Variants in DRC11 observed in about 807,000 individuals in gnomAD.
The protein encoded by DRC11 is dynein regulatory complex subunit 11.
At chr2:236,491,187 A>AATATAT in the DRC11 span, among the ~76,000 whole-genome samples, 1 of 44,330 alleles carries the variant, frequency 2.3e-5, no homozygotes, top group Non-Finnish European at 4.5e-5. Flanking sequence ...ATATACACAC[A>AATATAT]GTATATATAT....
At chr2:236,401,410 C>T in the DRC11 span, among the ~76,000 whole-genome samples, 2 of 152,166 alleles carry the variant, frequency 1.3e-5, no homozygotes, top group East Asian at 1.9e-4. The surrounding 1 kb of genome is among the most constrained non-coding windows in gnomAD (Gnocchi z 4.6). Flanking sequence ...AAGAACAGCC[C>T]GCTTTTCCCA....
the DRC11 span, among the ~76,000 whole-genome samples, chr2:236,352,024 C>T: frequency 2.0e-5 from 3 of 152,028 alleles, no homozygotes; most frequent in African/African-American, 7.2e-5. This position sits in a 1 kb window ranked among gnomAD's most constrained non-coding sequence, Gnocchi z 7.0. Context: ...AAGGAATTCT[C>T]GAGTAAAGGG....
the DRC11 span, among the ~76,000 whole-genome samples, chr2:236,504,299 TAA>T: frequency 2.0e-5 from 3 of 152,208 alleles, no homozygotes; most frequent in African/African-American, 7.2e-5. The surrounding 1 kb of genome is among the most constrained non-coding windows in gnomAD (Gnocchi z 5.0). Context: ...TTTCTATTGC[TAA>T]GTTTCCTTTG....
the DRC11 span, among the ~76,000 whole-genome samples, chr2:236,498,160 G>A: frequency 6.6e-6 from 1 of 151,992 alleles, no homozygotes; most frequent in African/African-American, 2.4e-5. Context: ...GAGAAATGAG[G>A]TGCAGGCTGG....
the DRC11 span, chr2:236,493,898 G>A: frequency 2.8e-4 from 449 of 1,581,704 alleles, 3 homozygotes; most frequent in East Asian, 9.1e-3. Flanking sequence ...CTAGAGAAGA[G>A]AAAGAATAAA....
chr2:236,378,959 C>G, the DRC11 span, among the ~76,000 whole-genome samples: 15 of 152,246 alleles, frequency 9.9e-5, no homozygotes, highest in African/African-American at 3.4e-4. Context: ...AGCCCCTCCC[C>G]CTATGGATGT....
At chr2:236,448,645 A>G in the DRC11 span, among the ~76,000 whole-genome samples, 1 of 151,300 alleles carries the variant, frequency 6.6e-6, no homozygotes, top group Admixed American at 6.6e-5. The surrounding 1 kb of genome is among the most constrained non-coding windows in gnomAD (Gnocchi z 5.3). Context: ...TGTATTTATT[A>G]TTATTATTTT....
chr2:236,399,874 C>T, the DRC11 span, among the ~76,000 whole-genome samples: 1 of 152,154 alleles, frequency 6.6e-6, no homozygotes, highest in African/African-American at 2.4e-5. This position sits in a 1 kb window ranked among gnomAD's most constrained non-coding sequence, Gnocchi z 7.0. Flanking sequence ...CACCACCACA[C>T]CTGGCTAATT....
the DRC11 span, among the ~76,000 whole-genome samples, chr2:236,440,082 T>C: frequency 6.6e-6 from 1 of 152,292 alleles, no homozygotes; most frequent in African/African-American, 2.4e-5. Context: ...AAATTAAAAG[T>C]CCTTCCTCTT....
chr2:236,397,679 G>T, the DRC11 span, among the ~76,000 whole-genome samples: 1 of 152,334 alleles, frequency 6.6e-6, no homozygotes, highest in Non-Finnish European at 1.5e-5. The surrounding 1 kb of genome is among the most constrained non-coding windows in gnomAD (Gnocchi z 5.0). Flanking sequence ...GCAAAGCAGA[G>T]TCTTAGATGG....
chr2:236,395,119 G>T, the DRC11 span, among the ~76,000 whole-genome samples: 1 of 152,206 alleles, frequency 6.6e-6, no homozygotes, highest in Admixed American at 6.5e-5. Context: ...CAGGGATTGG[G>T]GGCACAGCGC....
At chr2:236,368,245 A>T in the DRC11 span, 1 of 1,611,188 alleles carries the variant, frequency 6.2e-7, no homozygotes, top group Non-Finnish European at 8.5e-7. Context: ...TCCAGGAGGG[A>T]GGGCATGGGT....
chr2:236,317,457 C>A, the DRC11 span, among the ~76,000 whole-genome samples: 1 of 152,122 alleles, frequency 6.6e-6, no homozygotes, highest in Non-Finnish European at 1.5e-5. The surrounding 1 kb of genome is among the most constrained non-coding windows in gnomAD (Gnocchi z 5.4). Context: ...AGAAGCCCGA[C>A]GGAAATGAAT....
At chr2:236,395,113 G>A in the DRC11 span, among the ~76,000 whole-genome samples, 2 of 152,234 alleles carry the variant, frequency 1.3e-5, no homozygotes, top group African/African-American at 4.8e-5. Flanking sequence ...GTGGCCCAGG[G>A]ATTGGGGGCA....
chr2:236,338,391 G>C, the DRC11 span: 14 of 1,540,076 alleles, frequency 9.1e-6, no homozygotes, highest in South Asian at 1.2e-5. Flanking sequence ...TTCTGGGAGA[G>C]AGAAAAAAAA....
At chr2:236,419,485 T>C in the DRC11 span, among the ~76,000 whole-genome samples, 2 of 152,156 alleles carry the variant, frequency 1.3e-5, no homozygotes, top group African/African-American at 4.8e-5. This position sits in a 1 kb window ranked among gnomAD's most constrained non-coding sequence, Gnocchi z 4.8. Flanking sequence ...AGCCTCAGTG[T>C]AGATGGAGAG....
the DRC11 span, among the ~76,000 whole-genome samples, chr2:236,356,277 T>G: frequency 0.16 from 24,002 of 151,446 alleles, 972 homozygotes; most frequent in Non-Finnish European, 0.21. Context: ...TTCCCTTGCC[T>G]GTCTAATGAG....
chr2:236,314,553 G>A, the DRC11 span, among the ~76,000 whole-genome samples: 16 of 152,122 alleles, frequency 1.1e-4, no homozygotes, highest in Non-Finnish European at 2.1e-4. The surrounding 1 kb of genome is among the most constrained non-coding windows in gnomAD (Gnocchi z 4.5). Flanking sequence ...GCCTATGGAC[G>A]TTTAAAAACA....
At chr2:236,309,165 G>C in the DRC11 span, among the ~76,000 whole-genome samples, 1 of 152,180 alleles carries the variant, frequency 6.6e-6, no homozygotes, top group East Asian at 1.9e-4. The surrounding 1 kb of genome is among the most constrained non-coding windows in gnomAD (Gnocchi z 5.7). Context: ...CAGTGGCCGA[G>C]AACTCCCTCG....
Sources: allele counts gnomAD v4.1 joint callset (sites outside exome capture counted in the v4.1 genomes callset), GRCh38; gene constraint gnomAD v4.1.1; non-coding constraint Gnocchi (gnomAD v3.1); transcripts MANE v1.5; gene names NCBI Gene and HGNC (gene_info 2026-07-23, HGNC 2026-07-21).